The following MANBAL variants were observed in gnomAD, a reference collection of about 807,000 sequenced individuals.
The protein encoded by MANBAL is mannosidase beta like.
Under a neutral mutation model 6.4 loss-of-function variants are expected in MANBAL, and 1 was observed. That is an observed-to-expected ratio of 0.16 (90% CI 0.06 to 0.74). The LOEUF is 0.74. Ranked by LOEUF, MANBAL falls within the 30% of genes least tolerant of loss-of-function variation. The probability of loss-of-function intolerance (pLI) is 0.78; values close to 1 mark genes in which losing one functional copy is unlikely to be tolerated. For missense variants in MANBAL, 100 were observed against 107.8 expected, an observed-to-expected ratio of 0.93 and a Z score of 0.32; for synonymous variants, 47 against 45.8, an observed-to-expected ratio of 1.03 and a Z score of -0.10.
rs1024817822 is a variant in MANBAL at position 37,316,685 on chromosome 20, C to T, written c.*270C>T. Reference sequence around the variant, plus strand: ...GACTGTATTAGGTTTGTTCAGAAGCCGGGTCAGCTCACAGAGTCACATTTT... The same window carrying T: ...GACTGTATTAGGTTTGTTCAGAAGCTGGGTCAGCTCACAGAGTCACATTTT... On this transcript the variant is annotated 3_prime_UTR_variant, in exon 3 of 3. Coordinates refer to ENST00000373606, the MANE Select transcript of MANBAL (RefSeq NM_001003897.2). 2.5e-5 allele frequency: 7 copies of T among 276,346 alleles called. No homozygotes were observed. The highest frequency in any genetic ancestry group is 9.0e-5 in the East Asian group (1 of 11,172). The allele number at this position is 276,346 out of a possible 1,614,324, so 17.1% of individuals were successfully genotyped here. A position where few individuals can be genotyped will look rare whatever the true frequency, so the allele number is the denominator to read the frequency against.
rs1449620201 is a variant in MANBAL, at chr20:37,301,295, A to T, written c.32A>T (p.Glu11Val). ...TCTGACCTAGACTTCTCACCTCCGG[A>T]GGTGCCCGAGCCCACTTTCCTGGAG... MASDLDFSPP[E>V]VPEPTFLENL... The change falls in exon 2 of 3, where the codon GAG becomes GTG. Residue 11 changes from glutamate (E) to valine (V), a missense_variant. By Grantham distance (121) the Glu-to-Val change is moderately radical (BLOSUM62 -2). Transcript: ENST00000373606. 1 of 1,610,860 alleles carries T rather than the reference A, an allele frequency of 6.2e-7. No individual in the cohort carries two copies.
intron 2 of MANBAL, among the ~76,000 whole-genome samples, chr20:37,309,114 T>C (rs2069323745): frequency 6.6e-6 from 1 of 152,162 alleles, no homozygotes; most frequent in East Asian, 1.9e-4. Flanking sequence ...AAAGGACAGC[T>C]GGATTTAGGG....
intron 2 of MANBAL, among the ~76,000 whole-genome samples, chr20:37,304,748 G>A (rs1043467914): frequency 1.3e-5 from 2 of 152,138 alleles, no homozygotes; most frequent in Non-Finnish European, 2.9e-5. Flanking sequence ...CTTAGGGTGG[G>A]TGCAGGGAAG....
chr20:37,313,175 G>T (rs562300543), intron 2 of MANBAL, among the ~76,000 whole-genome samples: 11 of 149,244 alleles, frequency 7.4e-5, no homozygotes, highest in Non-Finnish European at 1.5e-4. Context: ...TCAGGAGATC[G>T]AGACCATCTT....
intron 2 of MANBAL, 81 bp from the exon 3 acceptor site, chr20:37,316,227 T>A: frequency 7.6e-7 from 1 of 1,314,408 alleles, no homozygotes; most frequent in Non-Finnish European, 1.1e-6. Context: ...GGCATGCTTC[T>A]TTGCTTTCAG....
intron 2 of MANBAL, among the ~76,000 whole-genome samples, chr20:37,303,179 G>A (rs187487474): frequency 6.6e-6 from 1 of 152,162 alleles, no homozygotes; most frequent in African/African-American, 2.4e-5. Flanking sequence ...CCAAAGTGCT[G>A]GAATTATAGG....
intron 1 of MANBAL, among the ~76,000 whole-genome samples, chr20:37,300,630 C>G (rs2069112473): frequency 6.6e-6 from 1 of 152,110 alleles, no homozygotes; most frequent in South Asian, 2.1e-4. Context: ...ACGTAGCAGC[C>G]TTTAGTAAAT....
chr20:37,315,378 C>G (rs541674917), intron 2 of MANBAL, among the ~76,000 whole-genome samples: 77 of 152,330 alleles, frequency 5.1e-4, no homozygotes, highest in Middle Eastern at 3.4e-3. Flanking sequence ...CAAGTTATCA[C>G]CCAGAGGAGG....
At position 37,312,705 on chromosome 20, in the gene MANBAL, A is replaced by T. The variant is rs544815706; in HGVS notation, c.151-3603A>T. Among the ~76,000 whole-genome samples, 340 of 152,270 alleles carry T rather than the reference A, an allele frequency of 2.2e-3. 2 individuals carry two copies. The highest frequency in any genetic ancestry group is 6.8e-3 in the Middle Eastern group (2 of 294). On this transcript the variant is annotated intron_variant, in intron 2 of 2. Transcript: ENST00000373606. The stretch of plus-strand genomic sequence containing the variant: ...GCTGGAGTGTAGTAGCTATTTACAG[A>T]CACAGTCATAGCGCACTACAGCCTC...
chr20:37,311,085 G>A (rs1307791134), intron 2 of MANBAL, among the ~76,000 whole-genome samples: 1 of 152,254 alleles, frequency 6.6e-6, no homozygotes, highest in Non-Finnish European at 1.5e-5. Context: ...GGGAGCCTGA[G>A]TGGCCTTGCC....
chr20:37,307,147 G>A (rs1367027414), intron 2 of MANBAL, among the ~76,000 whole-genome samples: 1 of 152,036 alleles, frequency 6.6e-6, no homozygotes, highest in Non-Finnish European at 1.5e-5. Context: ...TAATTTTTTT[G>A]TAGAGACACG....
chr20:37,298,358 A>G (rs1341920678), intron 1 of MANBAL, among the ~76,000 whole-genome samples: 2 of 152,190 alleles, frequency 1.3e-5, no homozygotes, highest in Non-Finnish European at 2.9e-5. Flanking sequence ...CATCTTTGCA[A>G]ACTGAAACTC....
chr20:37,293,583 G>T (rs978492914), intron 1 of MANBAL, among the ~76,000 whole-genome samples: 3 of 152,142 alleles, frequency 2.0e-5, no homozygotes, highest in African/African-American at 7.2e-5. Context: ...GTACTGGTCT[G>T]TGGCCTGGGG....
chr20:37,296,062 T>G (rs1489657094), intron 1 of MANBAL, among the ~76,000 whole-genome samples: 2 of 152,238 alleles, frequency 1.3e-5, no homozygotes, highest in African/African-American at 4.8e-5. Context: ...GTTACACCTG[T>G]GCTGTCCAGT....
chr20:37,309,337 A>G (rs2069329448), intron 2 of MANBAL, among the ~76,000 whole-genome samples: 1 of 152,142 alleles, frequency 6.6e-6, no homozygotes, highest in Admixed American at 6.5e-5. Context: ...CCTTGGCCAC[A>G]TACACCTTGT....
chr20:37,303,109 C>A (rs2146808826), intron 2 of MANBAL, among the ~76,000 whole-genome samples: 1 of 152,272 alleles, frequency 6.6e-6, no homozygotes, highest in East Asian at 1.9e-4. Context: ...CACGGTTTTG[C>A]CATGTTGCCC....
intron 1 of MANBAL, chr20:37,297,192 T>C (rs1249388309): frequency 6.6e-6 from 1 of 152,198 alleles, no homozygotes; most frequent in African/African-American, 2.4e-5. Flanking sequence ...TGCAGCCGCC[T>C]TGGAATTCAC....
intron 2 of MANBAL, among the ~76,000 whole-genome samples, chr20:37,314,280 G>A (rs954456352): frequency 1.3e-5 from 2 of 152,092 alleles, no homozygotes; most frequent in African/African-American, 2.4e-5. Flanking sequence ...GGGCCTTCTG[G>A]GTCTGGGACA....
At chr20:37,304,785 G>T (rs2069220623) in intron 2 of MANBAL, among the ~76,000 whole-genome samples, 1 of 152,184 alleles carries the variant, frequency 6.6e-6, no homozygotes, top group Non-Finnish European at 1.5e-5. Flanking sequence ...GTTTTAAACA[G>T]ATACTTTAAC....
Sources: gnomAD v4.1 joint callset for allele counts (sites outside exome capture counted in the v4.1 genomes callset) on GRCh38, gnomAD v4.1.1 for gene constraint, MANE v1.5 for transcripts, NCBI Gene and HGNC (gene_info 2026-07-23, HGNC 2026-07-21) for gene names.